MTA3: variants seen among roughly 807,000 people sequenced by gnomAD.
The protein encoded by MTA3 is metastasis-associated protein MTA3.
A neutral mutation model predicts 83.5 loss-of-function variants in MTA3; 34 were observed. That is an observed-to-expected ratio of 0.41 (90% CI 0.31 to 0.54). MTA3 has a LOEUF of 0.54. Ranked by LOEUF, MTA3 falls within the 20% of genes least tolerant of loss-of-function variation. MTA3 has a pLI of 0.33. For missense variants in MTA3, 761 were observed against 726.4 expected (o/e 1.05, Z -0.55); for synonymous variants, 303 against 252.7 (o/e 1.20, Z -1.89).
At chr2:42,572,568 C>T (rs940043615) in intron 2 of MTA3, among the ~76,000 whole-genome samples, 2 of 151,088 alleles carry the variant, frequency 1.3e-5, no homozygotes, top group Non-Finnish European at 2.9e-5. Context: ...CAGACTGTCT[C>T]GAAATTAAAA....
At chr2:42,731,840 T>G (rs1668252559) in intron 16 of MTA3, among the ~76,000 whole-genome samples, 2 of 152,098 alleles carry the variant, frequency 1.3e-5, no homozygotes, top group Non-Finnish European at 2.9e-5. Context: ...GTCTGTAAAA[T>G]CAAAAGCAAG....
In MTA3 at chr2:42,568,669, G is replaced by C; in HGVS notation, c.-77G>C. The C allele has an allele frequency of 9.0e-7, 1 of 1,114,234 alleles. No homozygotes were observed. Among genetic ancestry groups the C allele is most frequent in the Non-Finnish European group, 1.1e-6 (1 of 896,404 alleles). 69.0% of individuals were successfully genotyped at this position (1,114,234 alleles called of 1,614,324 possible). A position where few individuals can be genotyped will look rare whatever the true frequency, so the allele number is the denominator to read the frequency against. On this transcript the variant is annotated 5_prime_UTR_variant, in exon 1 of 17. Transcript: ENST00000405094. ...CAGCGACGGCGGCGGCGGCAGCGGCGGTCGCGGCTGAGGCTGAGGAGGAGG... is the reference window on the plus strand; with the variant it reads ...CAGCGACGGCGGCGGCGGCAGCGGCCGTCGCGGCTGAGGCTGAGGAGGAGG...
At chr2:42,635,889 C>T (rs879639216) in intron 4 of MTA3, among the ~76,000 whole-genome samples, 18 of 151,968 alleles carry the variant, frequency 1.2e-4, no homozygotes, top group Non-Finnish European at 1.5e-4. Context: ...CCACAGCCTC[C>T]GCAGTAGCTG....
At chr2:42,619,743 C>T (rs1276756891) in intron 4 of MTA3, among the ~76,000 whole-genome samples, 8 of 152,072 alleles carry the variant, frequency 5.3e-5, no homozygotes, top group South Asian at 2.1e-4. Flanking sequence ...CCAGATGTCC[C>T]CCAAGACTTT....
chr2:42,618,792 G>C (rs563308267), intron 4 of MTA3, among the ~76,000 whole-genome samples: 1 of 151,942 alleles, frequency 6.6e-6, no homozygotes, highest in Non-Finnish European at 1.5e-5. Context: ...AATTTTTTTG[G>C]TAGAGTTCGG....
At chr2:42,672,645 C>CAAAAAAAAAA (rs5830734) in intron 8 of MTA3, among the ~76,000 whole-genome samples, 2 of 51,566 alleles carry the variant, frequency 3.9e-5, no homozygotes, top group Non-Finnish European at 6.3e-5. Flanking sequence ...ATTCCATCTC[C>CAAAAAAAAAA]AAAAAAAAAA....
chr2:42,658,957 G>GCCC (rs1689428501), intron 7 of MTA3, among the ~76,000 whole-genome samples: 1 of 151,298 alleles, frequency 6.6e-6, no homozygotes, highest in South Asian at 2.1e-4. Flanking sequence ...AAATAGCTGG[G>GCCC]CGTGGTGGTG....
At chr2:42,744,472 C>G (rs780758518) in intron 16 of MTA3, among the ~76,000 whole-genome samples, 5 of 152,160 alleles carry the variant, frequency 3.3e-5, no homozygotes, top group Admixed American at 6.5e-5. Flanking sequence ...TTCACTGCCT[C>G]CTTAATAAGT....
intron 3 of MTA3, among the ~76,000 whole-genome samples, chr2:42,588,692 C>A (rs1482296003): frequency 6.6e-6 from 1 of 151,980 alleles, no homozygotes; most frequent in African/African-American, 2.4e-5. Context: ...ATTCACCTAT[C>A]CCTATAGGTG....
intron 3 of MTA3, among the ~76,000 whole-genome samples, chr2:42,606,145 G>C (rs1325178366): frequency 7.5e-6 from 1 of 133,328 alleles, no homozygotes; most frequent in Non-Finnish European, 1.7e-5. Context: ...AGGGGCGGCC[G>C]GGCAGAGGCG....
intron 2 of MTA3, among the ~76,000 whole-genome samples, chr2:42,500,224 C>T (rs1380040178): frequency 6.6e-6 from 1 of 152,124 alleles, no homozygotes; most frequent in Non-Finnish European, 1.5e-5. Flanking sequence ...CATAGTGAAA[C>T]CCCATCTGTA....
intron 3 of MTA3, among the ~76,000 whole-genome samples, chr2:42,581,624 C>T (rs1227016331): frequency 3.3e-5 from 5 of 151,160 alleles, no homozygotes; most frequent in Non-Finnish European, 7.4e-5. Context: ...CTCAAGCAGT[C>T]CTCCGACCTC....
intron 16 of MTA3, among the ~76,000 whole-genome samples, chr2:42,723,892 G>C (rs1005851091): frequency 5.3e-5 from 8 of 152,112 alleles, no homozygotes; most frequent in African/African-American, 1.9e-4. Context: ...TCCTATGGTT[G>C]TTTTCCTCCA....
At chr2:42,510,640 C>G (rs570061694) in intron 2 of MTA3, among the ~76,000 whole-genome samples, 52 of 152,250 alleles carry the variant, frequency 3.4e-4, no homozygotes, top group African/African-American at 1.2e-3. Context: ...GGCTTAGAAA[C>G]TATAGAAAAT....
At chr2:42,601,555 C>G (rs1682577999) in intron 3 of MTA3, among the ~76,000 whole-genome samples, 1 of 152,168 alleles carries the variant, frequency 6.6e-6, no homozygotes, top group Non-Finnish European at 1.5e-5. Flanking sequence ...GACTAACTTT[C>G]TAAGTTTTGT....
chr2:42,518,219 A>G (rs891381263), intron 2 of MTA3, among the ~76,000 whole-genome samples: 4 of 152,162 alleles, frequency 2.6e-5, no homozygotes, highest in Non-Finnish European at 4.4e-5. Context: ...GTTGAGTTGC[A>G]TGCACTAAGC....
intron 2 of MTA3, among the ~76,000 whole-genome samples, chr2:42,524,898 G>T (rs1392911751): frequency 6.7e-6 from 1 of 149,816 alleles, no homozygotes; most frequent in African/African-American, 2.4e-5. Context: ...ATCCTGGCGG[G>T]GACCGAATAC....
chr2:42,722,757 G>C (rs1307337197), intron 15 of MTA3, 132 bp from the exon 16 acceptor site: 1 of 1,059,626 alleles, frequency 9.4e-7, no homozygotes, highest in East Asian at 2.6e-5. Context: ...CATTATGCAA[G>C]TCCTTGGCTG....
chr2:42,518,968 AACACACACACACACACACACACACAC>A (rs60877713), intron 2 of MTA3, among the ~76,000 whole-genome samples: 115 of 114,686 alleles, frequency 1.0e-3, no homozygotes, highest in Middle Eastern at 4.1e-3. Context: ...CCTTTCTCAA[AACACACACACACACACACACACACAC>A]ACACACACAC....
Sources: allele counts gnomAD v4.1 joint callset (sites outside exome capture counted in the v4.1 genomes callset), GRCh38; gene constraint gnomAD v4.1.1; transcripts MANE v1.5; gene names NCBI Gene and HGNC (gene_info 2026-07-23, HGNC 2026-07-21).